ICMT: variants seen among roughly 807,000 people sequenced by gnomAD.
ICMT encodes protein-S-isoprenylcysteine O-methyltransferase.
A neutral mutation model predicts 32.2 loss-of-function variants in ICMT; 10 were observed. The ratio of observed to expected loss-of-function variants is 0.31; its 90% CI spans 0.19 to 0.53. ICMT has a LOEUF of 0.53. Ranked by LOEUF, ICMT falls within the 20% of genes least tolerant of loss-of-function variation. ICMT has a pLI of 0.96. For synonymous variants in ICMT, 183 were observed against 158.2 expected (o/e 1.16, Z -1.18); for missense variants, 265 against 356.9 (o/e 0.74, Z 2.07).
At chr1:6,233,693 A>G in intron 2 of ICMT, 50 bp from the exon 3 acceptor site, 1 of 1,515,164 alleles carries the variant, frequency 6.6e-7, no homozygotes, top group Non-Finnish European at 9.1e-7. Flanking sequence ...AACCAAGTTA[A>G]CCATAAGTGC....
At chr1:6,226,564 T>A (rs1339594476) in intron 4 of ICMT, among the ~76,000 whole-genome samples, 3 of 152,086 alleles carry the variant, frequency 2.0e-5, no homozygotes, top group Non-Finnish European at 4.4e-5. Context: ...AATATATATT[T>A]TAGGCTCCAA....
In ICMT at chr1:6,222,722, G is replaced by A. The variant is rs1434365429; in HGVS notation, c.*2358C>T. On this transcript the variant is annotated 3_prime_UTR_variant, in exon 5 of 5. Coordinates refer to ENST00000343813, the MANE Select transcript of ICMT (RefSeq NM_012405.4). ...AACACAGTCAGCTTACCATCCACAA[G>A]GCCAGCAGCTGCCAACAGCTGCCCT... 2 of 152,232 alleles carry A rather than the reference G, an allele frequency of 1.3e-5. No individual in the cohort carries two copies. The highest frequency in any genetic ancestry group is 1.5e-5 in the Non-Finnish European group (1 of 68,074). 9.4% of individuals were successfully genotyped at this position (152,232 alleles called of 1,614,324 possible). A position where few individuals can be genotyped will look rare whatever the true frequency, so the allele number is the denominator to read the frequency against.
intron 4 of ICMT, among the ~76,000 whole-genome samples, chr1:6,226,616 C>T (rs1460261182): frequency 1.3e-5 from 2 of 152,224 alleles, no homozygotes; most frequent in Non-Finnish European, 2.9e-5. Flanking sequence ...TGACCTCTCA[C>T]ACCTTCTCTT....
intron 4 of ICMT, among the ~76,000 whole-genome samples, chr1:6,226,730 T>C (rs1360528164): frequency 6.6e-6 from 1 of 152,188 alleles, no homozygotes; most frequent in Non-Finnish European, 1.5e-5. Flanking sequence ...TATCCCCACT[T>C]TGTTTTTTTT....
intron 4 of ICMT, among the ~76,000 whole-genome samples, chr1:6,228,528 G>C (rs1668679769): frequency 6.6e-6 from 1 of 151,854 alleles, no homozygotes; most frequent in Non-Finnish European, 1.5e-5. Flanking sequence ...ATTTTTAGTA[G>C]AGATGAGGCT....
In ICMT at chr1:6,222,276, A is replaced by G. The variant is rs1434536441; in HGVS notation, c.*2804T>C. On this transcript the variant is annotated 3_prime_UTR_variant, in exon 5 of 5. Coordinates refer to ENST00000343813, the MANE Select transcript of ICMT (RefSeq NM_012405.4). ...TCTCTACTAAAAATACAAAAAAATT[A>G]GCTGGGCATGGTGGCCCAAGCCTGT... 2 of 152,138 alleles carry G rather than the reference A, an allele frequency of 1.3e-5. No homozygotes were observed. The highest frequency in any genetic ancestry group is 4.8e-5 in the African/African-American group (2 of 41,398). The allele number at this position is 152,138 out of a possible 1,614,324, so 9.4% of individuals were successfully genotyped here.
chr1:6,230,684 TC>T (rs1668720883), intron 4 of ICMT, among the ~76,000 whole-genome samples: 1 of 144,284 alleles, frequency 6.9e-6, no homozygotes. Flanking sequence ...GGTCAGGAGA[TC>T]AAGACCATCC....
Position 6,225,061 on chromosome 1 carries a change from TCACCGGGGCCA to T in ICMT, c.*8_*18del. The stretch of plus-strand genomic sequence containing the variant: ...CTGCACAGGGTCGGAGGCCCCAAGG[TCACCGGGGCCA>T]CTGCCCGTCACAGGTCCACCTTGAC... On this transcript the variant is annotated 3_prime_UTR_variant, in exon 5 of 5. Transcript: ENST00000343813. The T allele has an allele frequency of 2.5e-6, 4 of 1,604,410 alleles. No homozygotes were observed. The highest frequency in any genetic ancestry group is 3.4e-6 in the Non-Finnish European group (4 of 1,174,246).
rs1490572479 is a variant in ICMT at position 6,221,748 on chromosome 1, G to A, written c.*3332C>T. 6.6e-6 allele frequency: 1 copy of A among 152,204 alleles called. No individual in the cohort carries two copies. The highest frequency in any genetic ancestry group is 2.4e-5 in the African/African-American group (1 of 41,438). The allele number at this position is 152,204 out of a possible 1,614,324, so 9.4% of individuals were successfully genotyped here. A position where few individuals can be genotyped will look rare whatever the true frequency, so the allele number is the denominator to read the frequency against. On this transcript the variant is annotated 3_prime_UTR_variant, in exon 5 of 5. Coordinates refer to ENST00000343813, the MANE Select transcript of ICMT (RefSeq NM_012405.4). ...GGAGCAGCTCGTGAAGGGGTGGCAG[G>A]TGCGCTGCTGCCTTGTTTTCTGTCC...
intron 1 of ICMT, 48 bp from the exon 2 acceptor site, chr1:6,235,022 C>CA: frequency 6.8e-7 from 1 of 1,472,218 alleles, no homozygotes; most frequent in Non-Finnish European, 9.5e-7. Flanking sequence ...CCTCAGAGTA[C>CA]AGATCTGGGC....
At chr1:6,229,985 A>T (rs936992424) in intron 4 of ICMT, among the ~76,000 whole-genome samples, 19 of 151,900 alleles carry the variant, frequency 1.3e-4, no homozygotes, top group African/African-American at 4.4e-4. Flanking sequence ...ATTGTGCCTC[A>T]GTCTCTCGAC....
intron 4 of ICMT, among the ~76,000 whole-genome samples, chr1:6,227,079 A>G (rs1668655784): frequency 6.6e-6 from 1 of 152,278 alleles, no homozygotes. Context: ...GTATTGAAAT[A>G]ATAAGATAGA....
rs1668818679 is a variant in ICMT, at chr1:6,235,858, G to C, written c.54C>G (p.Leu18=). 18 of 1,234,538 alleles carry C rather than the reference G, an allele frequency of 1.5e-5. No homozygotes were observed. Among genetic ancestry groups the C allele is most frequent in the Non-Finnish European group, 1.7e-5 (17 of 982,348 alleles). The allele number at this position is 1,234,538 out of a possible 1,614,324, so 76.5% of individuals were successfully genotyped here. The change falls in exon 1 of 5, where the codon CTC becomes CTG. Residue 18 remains leucine (L), a synonymous_variant. Coordinates refer to ENST00000343813, the MANE Select transcript of ICMT (RefSeq NM_012405.4). ...APPGSEARLS[L]ATFLLGASVL... is the part of the protein sequence containing the mutation. Reference sequence around the variant, plus strand: ...CCGAGGCGCCCAGCAGGAAGGTGGCGAGGCTGAGACGCGCCTCAGAGCCCG... The same window carrying C: ...CCGAGGCGCCCAGCAGGAAGGTGGCCAGGCTGAGACGCGCCTCAGAGCCCG...
chr1:6,232,187 C>T, intron 3 of ICMT, 68 bp from the exon 4 acceptor site: 1 of 1,124,458 alleles, frequency 8.9e-7, no homozygotes. Flanking sequence ...CTTCGCACTG[C>T]TTAAAATTAA....
chr1:6,230,826 T>C (rs1007232120), intron 4 of ICMT, among the ~76,000 whole-genome samples: 2 of 149,314 alleles, frequency 1.3e-5, no homozygotes, highest in Non-Finnish European at 3.0e-5. Flanking sequence ...GAGGCAGAGG[T>C]TGCAGTGACC....
chr1:6,222,152 G>A lies in ICMT; in HGVS notation c.*2928C>T, dbSNP rs1668564738. ...GGAGTTCATCTTGGCTGGGCGTGGT[G>A]GCTCACGCCTGTAATCCCAGCACTT... On this transcript the variant is annotated 3_prime_UTR_variant, in exon 5 of 5. Coordinates refer to ENST00000343813, the MANE Select transcript of ICMT (RefSeq NM_012405.4). 6.6e-6 allele frequency: 1 copy of A among 152,268 alleles called. No homozygotes were observed. The highest frequency in any genetic ancestry group is 6.5e-5 in the Admixed American group (1 of 15,284). The allele number at this position is 152,268 out of a possible 1,614,324, so 9.4% of individuals were successfully genotyped here.
Position 6,235,763 on chromosome 1 carries a change from C to T in ICMT, c.149G>A (p.Gly50Glu). The change falls in exon 1 of 5, where the codon GGG becomes GAG. Residue 50 changes from glycine to glutamate, a missense_variant. This residue lies in a region of ICMT where 99 missense variants were observed against 92.6 expected (regional missense o/e 1.07). Transcript: ENST00000343813. ...GAGCAGCAGCAGCAGCGCGTTGAGC[C>T]CGGCCACGTAGAGCGCCAGCCCGGT... The part of the protein sequence containing the change: ...GRTGLALYVA[G>E]LNALLLLLYR... 7.5e-7 allele frequency: 1 copy of T among 1,342,144 alleles called. No individual in the cohort carries two copies. Among genetic ancestry groups the T allele is most frequent in the Non-Finnish European group, 9.6e-7 (1 of 1,037,206 alleles). The allele number at this position is 1,342,144 out of a possible 1,614,324, so 83.1% of individuals were successfully genotyped here.
intron 2 of ICMT, 64 bp from the exon 3 acceptor site, chr1:6,233,707 T>G: frequency 7.2e-7 from 1 of 1,392,528 alleles, no homozygotes; most frequent in Non-Finnish European, 1.0e-6. Flanking sequence ...TAAGTGCACA[T>G]CTGGGTCTCC....
In ICMT at chr1:6,225,298, C is replaced by T. The variant is rs201276928; in HGVS notation, c.673-36G>A. The T allele has an allele frequency of 3.9e-5, 62 of 1,588,528 alleles. No individual in the cohort carries two copies. The East Asian group carries it at 7.4e-4, about 19-fold the overall frequency. On this transcript the variant is annotated intron_variant, in intron 4 of 4. Transcript: ENST00000343813. Reference sequence around the variant, plus strand: ...GAGACACCAGGCTCATCAGGGTGACCGTGGGATGACGCCCTGTGCTTTGGT... The same window carrying T: ...GAGACACCAGGCTCATCAGGGTGACTGTGGGATGACGCCCTGTGCTTTGGT...
Sources: allele counts gnomAD v4.1 joint callset (sites outside exome capture counted in the v4.1 genomes callset), GRCh38; gene constraint gnomAD v4.1.1; regional missense constraint gnomAD v4.1.1; transcripts MANE v1.5; gene names NCBI Gene and HGNC (gene_info 2026-07-23, HGNC 2026-07-21).